Variants in CNTN2 observed in about 807,000 individuals in gnomAD.
CNTN2 encodes the protein contactin-2.
Under a neutral mutation model 117.5 loss-of-function variants are expected in CNTN2, and 53 were observed. The observed-to-expected ratio is 0.45, with a 90% confidence interval of 0.36 to 0.57. The LOEUF (loss-of-function observed/expected upper bound fraction) is 0.57, where lower values mean the gene tolerates loss of function less well. Ranked by LOEUF, CNTN2 falls within the 20% of genes least tolerant of loss-of-function variation. The pLI, the probability that CNTN2 is intolerant of heterozygous loss-of-function variation, is 0.00. For synonymous variants in CNTN2, 530 were observed against 561.7 expected (o/e 0.94, Z 0.80); for missense variants, 1,106 against 1,404.3 (o/e 0.79, Z 3.39).
Position 205,073,603 on chromosome 1 carries a change from G to A in CNTN2, c.3014-53G>A. 1 of 1,510,528 alleles carries A rather than the reference G, an allele frequency of 6.6e-7. No homozygotes were observed. The highest frequency in any genetic ancestry group is 9.1e-7 in the Non-Finnish European group (1 of 1,096,450). The allele number at this position is 1,510,528 out of a possible 1,614,324, so 93.6% of individuals were successfully genotyped here. A position where few individuals can be genotyped will look rare whatever the true frequency, so the allele number is the denominator to read the frequency against. On this transcript the variant is annotated intron_variant, in intron 22 of 22. Transcript: ENST00000331830. This position sits in a 1 kb window ranked among gnomAD's most constrained non-coding sequence, Gnocchi z 6.3. ...GGAAAGGTCTCAATCTTGCCACAAGGGTGGGGCTAGGGTAGTCCCAGGCCC... is the reference window on the plus strand; with the variant it reads ...GGAAAGGTCTCAATCTTGCCACAAGAGTGGGGCTAGGGTAGTCCCAGGCCC...
chr1:205,066,788 G>A (rs1253826285), intron 15 of CNTN2, among the ~76,000 whole-genome samples, 189 bp downstream of exon 15: 1 of 152,174 alleles, frequency 6.6e-6, no homozygotes, highest in East Asian at 1.9e-4. Flanking sequence ...ACAGAAAGTA[G>A]GAGAGTCGGG....
At chr1:205,066,982 T>A (rs776973493) in intron 15 of CNTN2, 119 bp from the exon 16 acceptor site, 2 of 1,263,296 alleles carry the variant, frequency 1.6e-6, no homozygotes, top group Non-Finnish European at 2.2e-6. Context: ...GAGTGCTTAG[T>A]ATATGGCAAG....
intron 18 of CNTN2, 167 bp downstream of exon 18, chr1:205,070,228 C>G: frequency 1.3e-6 from 1 of 770,534 alleles, no homozygotes; most frequent in Non-Finnish European, 2.1e-6. Flanking sequence ...GCTACCTTGT[C>G]TCCCTTCGGG....
chr1:205,068,685 T>G (rs906036308), intron 16 of CNTN2: 1 of 152,246 alleles, frequency 6.6e-6, no homozygotes, highest in African/African-American at 2.4e-5. Flanking sequence ...GCTCTGGGCC[T>G]CAGTCTTTCC....
At chr1:205,050,688 G>T (rs1292961109) in intron 1 of CNTN2, among the ~76,000 whole-genome samples, 1 of 152,000 alleles carries the variant, frequency 6.6e-6, no homozygotes, top group Non-Finnish European at 1.5e-5. Context: ...GCATGATGTT[G>T]GCTCACTGCA....
chr1:205,062,582 G>T lies in CNTN2; in HGVS notation c.1240+13G>T. ...CTAGCCGTGCAAGGTAAGGGGCCCA[G>T]GGAGGCAGGGGACATCCCAAGGACA... On this transcript the variant is annotated intron_variant, in intron 10 of 22. Transcript: ENST00000331830. 6.2e-7 allele frequency: 1 copy of T among 1,607,440 alleles called. No individual in the cohort carries two copies. The highest frequency in any genetic ancestry group is 1.1e-5 in the South Asian group (1 of 90,224).
chr1:205,062,157 A>G (rs991780515), intron 9 of CNTN2, 156 bp downstream of exon 9: 30 of 957,464 alleles, frequency 3.1e-5, no homozygotes, highest in Non-Finnish European at 4.3e-5. Flanking sequence ...ACTTCTTCCC[A>G]TCCCAGTCCC....
intron 1 of CNTN2, among the ~76,000 whole-genome samples, chr1:205,051,165 T>C (rs2096452090): frequency 1.3e-5 from 2 of 152,356 alleles, no homozygotes; most frequent in East Asian, 1.9e-4. Context: ...GGAACAACTA[T>C]GATGTGCCAG....
Position 205,065,981 on chromosome 1 carries a change from C to T in CNTN2, c.1816+72C>T, listed in dbSNP as rs1213770684. 1 of 1,503,526 alleles carries T rather than the reference C, an allele frequency of 6.7e-7. No individual in the cohort carries two copies. Among genetic ancestry groups the T allele is most frequent in the African/African-American group, 1.4e-5 (1 of 71,822 alleles). The allele number at this position is 1,503,526 out of a possible 1,614,324, so 93.1% of individuals were successfully genotyped here. A position where few individuals can be genotyped will look rare whatever the true frequency, so the allele number is the denominator to read the frequency against. The stretch of plus-strand genomic sequence containing the variant: ...CAGCTGGGCTGTTCTGACCTGCTCG[C>T]CTCATCTCCCCTCCCTTCCCTCAAA... On this transcript the variant is annotated intron_variant, in intron 14 of 22. Coordinates refer to ENST00000331830, the MANE Select transcript of CNTN2 (RefSeq NM_005076.5). This position sits in a 1 kb window ranked among gnomAD's most constrained non-coding sequence, Gnocchi z 4.1.
In CNTN2 at chr1:205,072,514, G is replaced by A; in HGVS notation, c.2763G>A (p.Trp921Ter). The A allele has an allele frequency of 6.2e-7, 1 of 1,614,174 alleles. No homozygotes were observed. Among genetic ancestry groups the A allele is most frequent in the Non-Finnish European group, 8.5e-7 (1 of 1,180,044 alleles). Residue 921 changes from tryptophan to a stop codon, truncating the protein, a stop_gained, in exon 21 of 23, where the codon TGG (tryptophan) becomes TGA (stop). Coordinates refer to ENST00000331830, the MANE Select transcript of CNTN2 (RefSeq NM_005076.5). LOFTEE classifies it high-confidence loss of function. Reference sequence around the variant, plus strand: ...GGCGACCTCCTGGCAACATCTCCTGGACTTTCTCAAGCTCTAGTCTTAGCA... The same window carrying A: ...GGCGACCTCCTGGCAACATCTCCTGAACTTTCTCAAGCTCTAGTCTTAGCA... Reference protein sequence around the residue: ...PPRRPPGNISWTFSSSSLSIK... With the variant: ...PPRRPPGNIS
chr1:205,069,839 G>A lies in CNTN2; in HGVS notation c.2209G>A (p.Glu737Lys). 1 of 1,613,606 alleles carries A rather than the reference G, an allele frequency of 6.2e-7. No individual in the cohort carries two copies. Among genetic ancestry groups the A allele is most frequent in the South Asian group, 1.1e-5 (1 of 91,060 alleles). ...LIVNWTPMSREYQNGDGFGYL... is the reference protein window; with the variant it reads ...LIVNWTPMSRKYQNGDGFGYL... ...TCTTGCCCCTCAGCCCATGTCACGG[G>A]AGTACCAGAACGGAGACGGCTTCGG... The change falls in exon 18 of 23, where the codon GAG becomes AAG. Residue 737 changes from glutamate (E) to lysine (K), a missense_variant. Coordinates refer to ENST00000331830, the MANE Select transcript of CNTN2 (RefSeq NM_005076.5).
chr1:205,046,190 C>T (rs564768098), intron 1 of CNTN2, among the ~76,000 whole-genome samples: 13 of 152,306 alleles, frequency 8.5e-5, no homozygotes, highest in African/African-American at 2.9e-4. Flanking sequence ...ACAAGATTAG[C>T]CCATGTTTCT....
Position 205,074,706 on chromosome 1 carries a change from C to T in CNTN2, c.*941C>T, listed in dbSNP as rs911874208. 3.0e-5 allele frequency: 12 copies of T among 399,022 alleles called. No individual in the cohort carries two copies. Among genetic ancestry groups the T allele is most frequent in the Non-Finnish European group, 4.4e-5 (10 of 226,354 alleles). 24.7% of individuals were successfully genotyped at this position (399,022 alleles called of 1,614,324 possible). Reference sequence around the variant, plus strand: ...TCTCCAGTGCTGCCTGCAGTCAGCTCGGCCTCCCCGACCTGCAGCCCCAGA... The same window carrying T: ...TCTCCAGTGCTGCCTGCAGTCAGCTTGGCCTCCCCGACCTGCAGCCCCAGA... On this transcript the variant is annotated 3_prime_UTR_variant, in exon 23 of 23. Coordinates refer to ENST00000331830, the MANE Select transcript of CNTN2 (RefSeq NM_005076.5).
chr1:205,065,291 T>A lies in CNTN2; in HGVS notation c.1695+29T>A, dbSNP rs1203628714. ...AGACCTAGGGCCAGAGCCCCATGGC[T>A]TCTCCCTCCTTCTAGAGAGACAGGG... On this transcript the variant is annotated intron_variant, in intron 13 of 22. Coordinates refer to ENST00000331830, the MANE Select transcript of CNTN2 (RefSeq NM_005076.5). The surrounding 1 kb of genome is among the most constrained non-coding windows in gnomAD (Gnocchi z 4.1). 1.2e-6 allele frequency: 2 copies of A among 1,612,054 alleles called. No individual in the cohort carries two copies. The highest frequency in any genetic ancestry group is 1.1e-5 in the South Asian group (1 of 90,934).
chr1:205,059,931 C>G lies in CNTN2; in HGVS notation c.797+249C>G, dbSNP rs1653885710. On this transcript the variant is annotated intron_variant, in intron 7 of 22. Transcript: ENST00000331830. The surrounding 1 kb of genome is among the most constrained non-coding windows in gnomAD (Gnocchi z 5.6). ...TCCAGCAGTGCATGGCAGGCTCAGA[C>G]AGCTTGAGTAACACCCAGGGCTGGA... 1.9e-6 allele frequency: 1 copy of G among 521,598 alleles called. No homozygotes were observed. 32.3% of individuals were successfully genotyped at this position (521,598 alleles called of 1,614,324 possible). A position where few individuals can be genotyped will look rare whatever the true frequency, so the allele number is the denominator to read the frequency against.
At position 205,076,565 on chromosome 1, in the gene CNTN2, C is replaced by G. The variant is rs1219364109; in HGVS notation, c.*2800C>G. 2 of 152,330 alleles carry G rather than the reference C, an allele frequency of 1.3e-5. No homozygotes were observed. Among genetic ancestry groups the G allele is most frequent in the South Asian group, 4.1e-4 (2 of 4,830 alleles). The allele number at this position is 152,330 out of a possible 1,614,324, so 9.4% of individuals were successfully genotyped here. ...GCCCCAGAGGAGGCGGCAAGAGGAA[C>G]AGCCACAAACAAGTACTTTACCCCA... On this transcript the variant is annotated 3_prime_UTR_variant, in exon 23 of 23. Coordinates refer to ENST00000331830, the MANE Select transcript of CNTN2 (RefSeq NM_005076.5).
chr1:205,064,267 C>G, intron 10 of CNTN2, 55 bp from the exon 11 acceptor site: 1 of 1,507,538 alleles, frequency 6.6e-7, no homozygotes, highest in South Asian at 1.3e-5. Flanking sequence ...CGCCAAGTAA[C>G]GTCTTAATCA....
rs531243001 is a variant in CNTN2 at position 205,070,358 on chromosome 1, G to A, written c.2432-68G>A. The A allele has an allele frequency of 1.5e-4, 176 of 1,137,320 alleles. 1 individual carries two copies. In the African/African-American group the frequency reaches 2.3e-3, roughly 15 times the overall value. The allele number at this position is 1,137,320 out of a possible 1,614,324, so 70.5% of individuals were successfully genotyped here. ...AAAATCTTAAGCAAAGGCAATCCTG[G>A]TTGGGGGCTGCTCTGCAGGACACAG... is the stretch of plus-strand genomic sequence containing the variant. On this transcript the variant is annotated intron_variant, in intron 18 of 22. Transcript: ENST00000331830.
rs538307677 is a variant in CNTN2 at position 205,066,354 on chromosome 1, T to A, written c.1817-87T>A. ...CCTCTGCTGCCCTGTCTTGGTACTG[T>A]ACCAGCTCAAGCCTGGCTGGGAGGA... On this transcript the variant is annotated intron_variant, in intron 14 of 22. Transcript: ENST00000331830. 3.2e-4 allele frequency: 490 copies of A among 1,508,496 alleles called. 2 individuals carry two copies. In the African/African-American group the frequency reaches 5.9e-3, roughly 18 times the overall value. The allele number at this position is 1,508,496 out of a possible 1,614,324, so 93.4% of individuals were successfully genotyped here. A position where few individuals can be genotyped will look rare whatever the true frequency, so the allele number is the denominator to read the frequency against.
Sources: gnomAD v4.1 joint callset for allele counts (sites outside exome capture counted in the v4.1 genomes callset) on GRCh38, gnomAD v4.1.1 for gene constraint, Gnocchi (gnomAD v3.1) non-coding constraint, MANE v1.5 for transcripts, NCBI Gene and HGNC (gene_info 2026-07-23, HGNC 2026-07-21) for gene names.